PAXIP1: variants seen among roughly 807,000 people sequenced by gnomAD.
The protein encoded by PAXIP1 is PAX-interacting protein 1.
PAXIP1 carries 19 observed loss-of-function variants against 140.6 expected under a neutral mutation model. That is an observed-to-expected ratio of 0.14 (90% CI 0.09 to 0.20). The LOEUF (loss-of-function observed/expected upper bound fraction) is 0.20, where lower values mean the gene tolerates loss of function less well. Ranked by LOEUF, PAXIP1 falls within the 10% of genes least tolerant of loss-of-function variation. The probability of loss-of-function intolerance (pLI) is 1.00; values close to 1 mark genes in which losing one functional copy is unlikely to be tolerated. For missense variants in PAXIP1, 920 were observed against 1,208.6 expected (o/e 0.76, Z 3.54); for synonymous variants, 442 against 444.6 (o/e 0.99, Z 0.07).
chr7:154,976,397 G>A (rs1374036999), intron 5 of PAXIP1, 66 bp from the exon 6 acceptor site: 7 of 1,508,170 alleles, frequency 4.6e-6, no homozygotes, highest in South Asian at 2.7e-5. Context: ...CTACAATTAC[G>A]CATTTTAGAA....
At position 154,963,959 on chromosome 7, in the gene PAXIP1, A is replaced by G. The variant is rs983271294; in HGVS notation, c.1894-193T>C. On this transcript the variant is annotated intron_variant, in intron 8 of 20. Transcript: ENST00000404141. The surrounding 1 kb of genome is among the most constrained non-coding windows in gnomAD (Gnocchi z 4.1). Reference sequence around the variant, plus strand: ...CACCATACAATGAAAATGAACTCCAATACTCTAAATTTAATCTGAATTCCC... The same window carrying G: ...CACCATACAATGAAAATGAACTCCAGTACTCTAAATTTAATCTGAATTCCC... 1.4e-5 allele frequency: 8 copies of G among 555,568 alleles called. No individual in the cohort carries two copies. Among genetic ancestry groups the G allele is most frequent in the Non-Finnish European group, 6.5e-6 (2 of 308,276 alleles). The allele number at this position is 555,568 out of a possible 1,614,324, so 34.4% of individuals were successfully genotyped here.
At position 154,958,935 on chromosome 7, in the gene PAXIP1, T is replaced by C. The variant is rs1040906787; in HGVS notation, c.2478+955A>G. Among the ~76,000 whole-genome samples, 10 of 152,350 alleles carry C rather than the reference T, an allele frequency of 6.6e-5. No individual in the cohort carries two copies. In the East Asian group the frequency reaches 7.7e-4, roughly 12 times the overall value. On this transcript the variant is annotated intron_variant, in intron 13 of 20. Coordinates refer to ENST00000404141, the MANE Select transcript of PAXIP1 (RefSeq NM_007349.4). ...GGTCATGTCTTTAAAATTAAAATCA[T>C]AACTACTAGTTTAAGCTAGGAAAAC... is the stretch of plus-strand genomic sequence containing the variant.
rs542898070 is a variant in PAXIP1 at position 154,973,863 on chromosome 7, T to C, written c.1074+1833A>G. Among the ~76,000 whole-genome samples the C allele has an allele frequency of 6.6e-6, 1 of 152,232 alleles. No individual in the cohort carries two copies. The highest frequency in any genetic ancestry group is 1.5e-5 in the Non-Finnish European group (1 of 68,040). On this transcript the variant is annotated intron_variant, in intron 6 of 20. Coordinates refer to ENST00000404141, the MANE Select transcript of PAXIP1 (RefSeq NM_007349.4). The surrounding 1 kb of genome is among the most constrained non-coding windows in gnomAD (Gnocchi z 4.0). ...CCTATATGCTACAGAGCCATTTTTCTGGGACTTTGAGCTGTCATTATGAAA... is the reference window on the plus strand; with the variant it reads ...CCTATATGCTACAGAGCCATTTTTCCGGGACTTTGAGCTGTCATTATGAAA...
chr7:154,950,089 G>A (rs566370443), intron 16 of PAXIP1: 1 of 152,208 alleles, frequency 6.6e-6, no homozygotes, highest in South Asian at 2.1e-4. Flanking sequence ...GAGTATCCTA[G>A]AAATTGATTA....
intron 16 of PAXIP1, 26 bp from the exon 17 acceptor site, chr7:154,948,029 T>C (rs769492196): frequency 1.3e-6 from 2 of 1,513,044 alleles, no homozygotes; most frequent in African/African-American, 2.7e-5. Context: ...GCACATACTC[T>C]GAAAAGTGTG....
rs751889715 is a variant in PAXIP1 at position 154,963,637 on chromosome 7, T to C, written c.1989+34A>G. The C allele has an allele frequency of 1.3e-5, 18 of 1,439,238 alleles. No homozygotes were observed. In the Admixed American group the frequency reaches 1.9e-4, roughly 15 times the overall value. 89.2% of individuals were successfully genotyped at this position (1,439,238 alleles called of 1,614,324 possible). On this transcript the variant is annotated intron_variant, in intron 9 of 20. Coordinates refer to ENST00000404141, the MANE Select transcript of PAXIP1 (RefSeq NM_007349.4). This position sits in a 1 kb window ranked among gnomAD's most constrained non-coding sequence, Gnocchi z 4.1. Reference sequence around the variant, plus strand: ...ATTGCATATTAAAAATGCCAGACCTTGCTCCTGGTCGCAGCTAAGGCTATT... The same window carrying C: ...ATTGCATATTAAAAATGCCAGACCTCGCTCCTGGTCGCAGCTAAGGCTATT...
At chr7:154,971,360 G>A (rs940503104) in intron 6 of PAXIP1, among the ~76,000 whole-genome samples, 6 of 152,224 alleles carry the variant, frequency 3.9e-5, no homozygotes, top group Non-Finnish European at 4.4e-5. Flanking sequence ...CCCATTAAGG[G>A]AGAAGAACAG....
chr7:154,952,261 AC>A (rs1340613681), intron 16 of PAXIP1: 1 of 152,172 alleles, frequency 6.6e-6, no homozygotes, highest in African/African-American at 2.4e-5. Flanking sequence ...TTATTTATGA[AC>A]CCACAATCAG....
At chr7:154,983,982 T>C (rs1429908713) in intron 4 of PAXIP1, among the ~76,000 whole-genome samples, 3 of 152,178 alleles carry the variant, frequency 2.0e-5, no homozygotes, top group Admixed American at 1.3e-4. Context: ...TAGAAACAGC[T>C]ACCATTTATT....
chr7:154,956,626 A>T lies in PAXIP1; in HGVS notation c.2549+598T>A, dbSNP rs1808524785. ...TATGCATCTCAATCTGCATACTCCA[A>T]GCCAAAACCCAACATGCCATATGCA... is the stretch of plus-strand genomic sequence containing the variant. On this transcript the variant is annotated intron_variant, in intron 14 of 20. Transcript: ENST00000404141. The surrounding 1 kb of genome is among the most constrained non-coding windows in gnomAD (Gnocchi z 4.2). 6.6e-6 allele frequency: 1 copy of T among 152,272 alleles called. No individual in the cohort carries two copies. 9.4% of individuals were successfully genotyped at this position (152,272 alleles called of 1,614,324 possible).
chr7:154,963,806 C>T lies in PAXIP1; in HGVS notation c.1894-40G>A. 7.3e-7 allele frequency: 1 copy of T among 1,375,744 alleles called. No homozygotes were observed. Among genetic ancestry groups the T allele is most frequent in the Non-Finnish European group, 1.0e-6 (1 of 968,838 alleles). 85.2% of individuals were successfully genotyped at this position (1,375,744 alleles called of 1,614,324 possible). Reference sequence around the variant, plus strand: ...CCGACCAATGCAGTCATCAATCACTCAGAATAGAGGAGAATTCCAATTTCA... The same window carrying T: ...CCGACCAATGCAGTCATCAATCACTTAGAATAGAGGAGAATTCCAATTTCA... On this transcript the variant is annotated intron_variant, in intron 8 of 20. Transcript: ENST00000404141. This position sits in a 1 kb window ranked among gnomAD's most constrained non-coding sequence, Gnocchi z 4.1.
At position 154,975,922 on chromosome 7, in the gene PAXIP1, T is replaced by A; in HGVS notation, c.848A>T (p.Gln283Leu). Residue 283 changes from glutamine to leucine, a missense_variant, in exon 6 of 21, where the codon CAG becomes CTG. Physicochemically the swap from Gln to Leu is moderately radical, Grantham distance 113. Transcript: ENST00000404141. ...QLAAAKRRLP[Q>L]GKEPGLINLC... ...GTTAATCAACCCAGGCTCCTTTCCC[T>A]GAGGCAGCCTGCGTTTTGCTGCAGC... The A allele has an allele frequency of 6.2e-7, 1 of 1,613,960 alleles. No individual in the cohort carries two copies. Among genetic ancestry groups the A allele is most frequent in the South Asian group, 1.1e-5 (1 of 91,064 alleles).
At position 154,957,212 on chromosome 7, in the gene PAXIP1, T is replaced by A; in HGVS notation, c.2549+12A>T. Reference sequence around the variant, plus strand: ...AAGCCAGCAATGAAAAATTTAAGGTTATTACTCATACCTGGCTCTTTTGGA... The same window carrying A: ...AAGCCAGCAATGAAAAATTTAAGGTAATTACTCATACCTGGCTCTTTTGGA... On this transcript the variant is annotated intron_variant, in intron 14 of 20. Transcript: ENST00000404141. 6.5e-7 allele frequency: 1 copy of A among 1,543,194 alleles called. No homozygotes were observed. Among genetic ancestry groups the A allele is most frequent in the Non-Finnish European group, 8.9e-7 (1 of 1,122,990 alleles).
chr7:154,975,415 A>G (rs1426913965), intron 6 of PAXIP1, among the ~76,000 whole-genome samples: 3 of 152,196 alleles, frequency 2.0e-5, no homozygotes, highest in African/African-American at 7.2e-5. Flanking sequence ...CCTTCAACGG[A>G]TAGTACTCCA....
chr7:154,961,201 C>T (rs1237524541), intron 11 of PAXIP1, 124 bp from the exon 12 acceptor site: 10 of 772,640 alleles, frequency 1.3e-5, no homozygotes, highest in Non-Finnish European at 2.0e-5. Context: ...GAGGCATATC[C>T]TAGCAAAGTT....
At chr7:154,984,215 G>A (rs554942759) in intron 4 of PAXIP1, among the ~76,000 whole-genome samples, 1 of 152,144 alleles carries the variant, frequency 6.6e-6, no homozygotes, top group Admixed American at 6.5e-5. Context: ...GCTTCTCTAA[G>A]GGCAGTTACT....
In PAXIP1 at chr7:154,976,118, A is replaced by C; in HGVS notation, c.652T>G (p.Ser218Ala). 1 of 1,570,746 alleles carries C rather than the reference A, an allele frequency of 6.4e-7. No individual in the cohort carries two copies. The highest frequency in any genetic ancestry group is 1.2e-5 in the South Asian group (1 of 86,712). ...CCTTCTTGAGAGCTGGCAGGGCTTG[A>C]CTTCTCATCTGTACTACCCTCATTC... Reference protein sequence around the residue: ...SQNEGSTDEKSSPASSQEGSP... With the variant: ...SQNEGSTDEKASPASSQEGSP... Residue 218 changes from serine to alanine, a missense_variant, in exon 6 of 21, where the codon TCA becomes GCA. Coordinates refer to ENST00000404141, the MANE Select transcript of PAXIP1 (RefSeq NM_007349.4).
chr7:154,967,959 G>T, intron 7 of PAXIP1, 49 bp from the exon 8 acceptor site: 1 of 1,344,012 alleles, frequency 7.4e-7, no homozygotes, highest in Non-Finnish European at 1.0e-6. Flanking sequence ...CTATGAATAT[G>T]CTTGCACAAA....
At chr7:154,955,239 G>A (rs947099421) in intron 15 of PAXIP1, among the ~76,000 whole-genome samples, 1 of 152,158 alleles carries the variant, frequency 6.6e-6, no homozygotes, top group African/African-American at 2.4e-5. Flanking sequence ...TTATGAATAC[G>A]ACACAGAAGG....
Sources: gnomAD v4.1 joint callset for allele counts (sites outside exome capture counted in the v4.1 genomes callset) on GRCh38, gnomAD v4.1.1 for gene constraint, Gnocchi (gnomAD v3.1) non-coding constraint, MANE v1.5 for transcripts, NCBI Gene and HGNC (gene_info 2026-07-23, HGNC 2026-07-21) for gene names.